Variants in EARS2 observed in about 807,000 individuals in gnomAD.
EARS2 encodes the protein glutamyl-tRNA synthetase 2, mitochondrial.
EARS2 carries 50 observed loss-of-function variants against 54.1 expected under a neutral mutation model. That is an observed-to-expected ratio of 0.92 (90% CI 0.74 to 1.17). The LOEUF (loss-of-function observed/expected upper bound fraction) is 1.17. EARS2 is among the 50% of genes most tolerant of loss of function. EARS2 has a pLI of 0.00. For synonymous variants in EARS2, 298 were observed against 281.0 expected (o/e 1.06, Z -0.61); for missense variants, 673 against 675.0 (o/e 1.00, Z 0.03).
chr16:23,556,335 TTTCC>T (rs1965783709), intron 1 of EARS2, among the ~76,000 whole-genome samples: 1 of 152,210 alleles, frequency 6.6e-6, no homozygotes, highest in African/African-American at 2.4e-5. Flanking sequence ...GTACCTGCGA[TTTCC>T]TCTACCCAGA....
intron 8 of EARS2, 57 bp downstream of exon 8, chr16:23,525,187 G>T (rs768703056): frequency 5.6e-6 from 9 of 1,613,486 alleles, no homozygotes; most frequent in Non-Finnish European, 7.6e-6. Context: ...GGAAATGTAA[G>T]TTCAAAGGAT....
chr16:23,548,955 C>G (rs1045220076), intron 2 of EARS2, among the ~76,000 whole-genome samples: 1 of 152,176 alleles, frequency 6.6e-6, no homozygotes, highest in African/African-American at 2.4e-5. Context: ...GGTCCCCTCT[C>G]GCAGTGGAGA....
In EARS2 at chr16:23,534,912, T is replaced by C; in HGVS notation, c.934A>G (p.Thr312Ala). The C allele has an allele frequency of 6.3e-7, 1 of 1,585,696 alleles. No homozygotes were observed. Among genetic ancestry groups the C allele is most frequent in the Non-Finnish European group, 8.6e-7 (1 of 1,163,034 alleles). Residue 312 changes from threonine (T) to alanine (A), a missense_variant, in exon 4 of 9, where the codon ACC (threonine) becomes GCC (alanine). Transcript: ENST00000449606. Reference protein sequence around the residue: ...FLPDSLLDIITNCGSGFAENQ... With the variant: ...FLPDSLLDIIANCGSGFAENQ... The stretch of plus-strand genomic sequence containing the variant: ...CCTGCAAAACCTGAGCCACAGTTGG[T>C]GATGATGTCCAACAAGGAATCGGGC...
intron 1 of EARS2, among the ~76,000 whole-genome samples, chr16:23,554,190 GT>G (rs944866445): frequency 4.8e-5 from 7 of 146,010 alleles, no homozygotes; most frequent in African/African-American, 7.5e-5. Flanking sequence ...TTGTTTTTTG[GT>G]TTTTTTTTTG....
At chr16:23,546,442 A>G in intron 2 of EARS2, 1 of 455,614 alleles carries the variant, frequency 2.2e-6, no homozygotes, top group Non-Finnish European at 4.4e-6. Flanking sequence ...CATCTGTCAA[A>G]GAAGGAAACA....
At chr16:23,556,036 T>A (rs1375932466) in intron 1 of EARS2, among the ~76,000 whole-genome samples, 4 of 152,222 alleles carry the variant, frequency 2.6e-5, no homozygotes, top group Non-Finnish European at 4.4e-5. Context: ...CACAATTGAT[T>A]GGAAATTTAA....
At chr16:23,551,541 G>C (rs1158321672) in intron 2 of EARS2, among the ~76,000 whole-genome samples, 1 of 152,106 alleles carries the variant, frequency 6.6e-6, no homozygotes, top group Non-Finnish European at 1.5e-5. Flanking sequence ...CTTGAGCCCA[G>C]GTCGAGGCTA....
Position 23,534,688 on chromosome 16 carries a change from T to A in EARS2, c.958+200A>T, listed in dbSNP as rs117775618. Among the ~76,000 whole-genome samples, 330 of 152,304 alleles carry A rather than the reference T, an allele frequency of 2.2e-3. 1 individual carries two copies. The highest frequency in any genetic ancestry group is 5.4e-3 in the South Asian group (26 of 4,824). ...CCCTTGAGGGCAGGGATCATGTCTA[T>A]CTCACCCACTACTGTAGCCCCAGCA... On this transcript the variant is annotated intron_variant, in intron 4 of 8. Coordinates refer to ENST00000449606, the MANE Select transcript of EARS2 (RefSeq NM_001083614.2).
chr16:23,547,636 C>T (rs1381992600), intron 2 of EARS2, among the ~76,000 whole-genome samples: 1 of 152,078 alleles, frequency 6.6e-6, no homozygotes, highest in Non-Finnish European at 1.5e-5. Flanking sequence ...TCCTGAGTAG[C>T]TGGGATTACA....
chr16:23,521,686 TGTG>T lies in EARS2; in HGVS notation c.*2682_*2684del. 1 of 455,168 alleles carries T rather than the reference TGTG, an allele frequency of 2.2e-6. No individual in the cohort carries two copies. The highest frequency in any genetic ancestry group is 1.5e-5 in the South Asian group (1 of 64,562). The allele number at this position is 455,168 out of a possible 1,614,324, so 28.2% of individuals were successfully genotyped here. On this transcript the variant is annotated 3_prime_UTR_variant, in exon 9 of 9. Coordinates refer to ENST00000449606, the MANE Select transcript of EARS2 (RefSeq NM_001083614.2). ...AAGCATTAGGACGTATTTGTCCTTT[TGTG>T]ACTGACATTTCATTTAGCATGAAGT...
At chr16:23,548,372 A>T (rs1156811983) in intron 2 of EARS2, among the ~76,000 whole-genome samples, 1 of 152,218 alleles carries the variant, frequency 6.6e-6, no homozygotes, top group Non-Finnish European at 1.5e-5. Context: ...CTGCCTCGCC[A>T]AAACACCAGG....
Position 23,533,514 on chromosome 16 carries a change from G to A in EARS2, c.959-749C>T, listed in dbSNP as rs900721792. 2.6e-5 allele frequency among the ~76,000 whole-genome samples: 4 copies of A among 152,230 alleles called. No individual in the cohort carries two copies. The South Asian group carries it at 6.2e-4, about 24-fold the overall frequency. On this transcript the variant is annotated intron_variant, in intron 4 of 8. Coordinates refer to ENST00000449606, the MANE Select transcript of EARS2 (RefSeq NM_001083614.2). ...CCCCCCATTCCACTTTGCCCAAAGG[G>A]ATTTAACTTCTAGCTATTTATATAT...
At position 23,523,790 on chromosome 16, in the gene EARS2, T is replaced by C. The variant is rs1343664069; in HGVS notation, c.*581A>G. ...GAGGCTGGTTAAAGTTAAAATCCAG[T>C]CCAACTGGTGTTCTTAGAAGAGGAA... On this transcript the variant is annotated 3_prime_UTR_variant, in exon 9 of 9. Coordinates refer to ENST00000449606, the MANE Select transcript of EARS2 (RefSeq NM_001083614.2). 6.6e-6 allele frequency: 1 copy of C among 151,302 alleles called. No individual in the cohort carries two copies. Among genetic ancestry groups the C allele is most frequent in the Non-Finnish European group, 1.5e-5 (1 of 68,104 alleles). 9.4% of individuals were successfully genotyped at this position (151,302 alleles called of 1,614,324 possible).
At chr16:23,529,989 G>T in intron 5 of EARS2, 92 bp from the exon 6 acceptor site, 1 of 1,495,788 alleles carries the variant, frequency 6.7e-7, no homozygotes, top group Non-Finnish European at 9.0e-7. Context: ...TTGGAAGAAT[G>T]ACATATCAGG....
At chr16:23,546,427 G>A (rs767519382) in intron 2 of EARS2, 59 of 455,716 alleles carry the variant, frequency 1.3e-4, no homozygotes, top group Non-Finnish European at 2.2e-4. Flanking sequence ...TGGGCTCTGG[G>A]TTCTCATCTG....
At chr16:23,524,986 C>G in intron 8 of EARS2, 1 of 592,526 alleles carries the variant, frequency 1.7e-6, no homozygotes, top group Non-Finnish European at 3.0e-6. Flanking sequence ...GGTCTGTTAT[C>G]CCCAATAAAC....
chr16:23,549,797 C>G (rs1402673598), intron 2 of EARS2, among the ~76,000 whole-genome samples: 1 of 152,154 alleles, frequency 6.6e-6, no homozygotes, highest in Non-Finnish European at 1.5e-5. Flanking sequence ...ATTCTGCTCA[C>G]TATGGTTAGA....
At chr16:23,536,612 T>C (rs1286574848) in intron 3 of EARS2, among the ~76,000 whole-genome samples, 1 of 150,886 alleles carries the variant, frequency 6.6e-6, no homozygotes, top group African/African-American at 2.4e-5. Context: ...CAGTAAACTA[T>C]GATGGCACCA....
At position 23,522,007 on chromosome 16, in the gene EARS2, C is replaced by T. The variant is rs975173684; in HGVS notation, c.*2364G>A. The T allele has an allele frequency of 2.8e-6, 1 of 352,750 alleles. No homozygotes were observed. Among genetic ancestry groups the T allele is most frequent in the Non-Finnish European group, 5.6e-6 (1 of 178,764 alleles). The allele number at this position is 352,750 out of a possible 1,614,324, so 21.9% of individuals were successfully genotyped here. ...TCTGTAACAGAAAAAAAAAATACTG[C>T]TTCTCTCATAGTGTTATAAAAAAAA... On this transcript the variant is annotated 3_prime_UTR_variant, in exon 9 of 9. Transcript: ENST00000449606.
Sources: gnomAD v4.1 joint callset for allele counts (sites outside exome capture counted in the v4.1 genomes callset) on GRCh38, gnomAD v4.1.1 for gene constraint, MANE v1.5 for transcripts, NCBI Gene and HGNC (gene_info 2026-07-23, HGNC 2026-07-21) for gene names.